The following TNPO3 variants were observed in gnomAD, a reference collection of about 807,000 sequenced individuals.
TNPO3 encodes transportin-3.
In TNPO3, 65 loss-of-function variants were observed where a neutral mutation model predicts 122.8. The ratio of observed to expected loss-of-function variants is 0.53; its 90% CI spans 0.43 to 0.65. TNPO3 has a LOEUF of 0.65. Ranked by LOEUF, TNPO3 falls within the 30% of genes least tolerant of loss-of-function variation. The pLI is 0.00. For missense variants in TNPO3, 850 were observed against 1,136.7 expected (o/e 0.75, Z 3.63); for synonymous variants, 372 against 411.2 (o/e 0.90, Z 1.15).
intron 18 of TNPO3, 31 bp downstream of exon 18, chr7:128,974,837 A>C (rs1432811520): frequency 6.4e-7 from 1 of 1,566,798 alleles, no homozygotes; most frequent in African/African-American, 1.4e-5. Flanking sequence ...AGGATGAGCA[A>C]TTAAGAAATG....
chr7:129,003,039 C>CAAAAAAAAAA (rs56226072), intron 5 of TNPO3, among the ~76,000 whole-genome samples: 47 of 53,236 alleles, frequency 8.8e-4, no homozygotes, highest in African/African-American at 1.7e-3. Flanking sequence ...GACTCCCTCT[C>CAAAAAAAAAA]AAAAAAAAAA....
intron 14 of TNPO3, among the ~76,000 whole-genome samples, chr7:128,980,660 G>A (rs1026532253): frequency 3.3e-5 from 5 of 152,026 alleles, no homozygotes; most frequent in African/African-American, 9.7e-5. Context: ...ATTGTACTCC[G>A]GCCTGGGCAA....
At chr7:128,983,481 G>A (rs910519826) in intron 13 of TNPO3, among the ~76,000 whole-genome samples, 2 of 152,100 alleles carry the variant, frequency 1.3e-5, no homozygotes, top group African/African-American at 4.8e-5. Context: ...GGGATTACTG[G>A]CATGAGCCAC....
intron 1 of TNPO3, among the ~76,000 whole-genome samples, chr7:129,020,153 C>T (rs1183751239): frequency 6.7e-6 from 1 of 148,878 alleles, no homozygotes; most frequent in Non-Finnish European, 1.5e-5. Flanking sequence ...CACCAAAAAA[C>T]CCCAACCTTA....
intron 8 of TNPO3, 56 bp from the exon 9 acceptor site, chr7:128,993,970 C>G (rs1801027535): frequency 6.8e-7 from 1 of 1,465,692 alleles, no homozygotes; most frequent in African/African-American, 1.4e-5. Context: ...TTTCAATGAC[C>G]TCTATAAAAT....
intron 21 of TNPO3, among the ~76,000 whole-genome samples, chr7:128,963,975 T>G (rs1797701055): frequency 6.6e-6 from 1 of 152,166 alleles, no homozygotes; most frequent in Non-Finnish European, 1.5e-5. Flanking sequence ...AAACTTACTG[T>G]GCAGAAAGTA....
intron 8 of TNPO3, among the ~76,000 whole-genome samples, chr7:128,994,656 T>A (rs1177345477): frequency 1.3e-5 from 2 of 151,552 alleles, no homozygotes; most frequent in Non-Finnish European, 2.9e-5. Flanking sequence ...ACACAGAAAA[T>A]ATACTTTTAT....
chr7:128,963,723 G>A lies in TNPO3; in HGVS notation c.2711+3557C>T, dbSNP rs143421230. Among the ~76,000 whole-genome samples the A allele has an allele frequency of 4.5e-4, 69 of 152,292 alleles. No homozygotes were observed. In the East Asian group the frequency reaches 0.013, roughly 28 times the overall value. On this transcript the variant is annotated intron_variant, in intron 21 of 22. Transcript: ENST00000265388. ...GATTTTAACATTAACAAAATTGCTGGAGACATTCCAGAAGATGAGAAAGTA... is the reference window on the plus strand; with the variant it reads ...GATTTTAACATTAACAAAATTGCTGAAGACATTCCAGAAGATGAGAAAGTA...
chr7:128,963,352 A>G (rs1448984140), intron 21 of TNPO3, among the ~76,000 whole-genome samples: 1 of 152,200 alleles, frequency 6.6e-6, no homozygotes, highest in East Asian at 1.9e-4. Context: ...TCCTGCCCTT[A>G]TACTGTAACC....
chr7:129,021,941 G>GT (rs956532802), intron 1 of TNPO3, among the ~76,000 whole-genome samples: 95 of 150,998 alleles, frequency 6.3e-4, no homozygotes, highest in South Asian at 6.3e-4. Context: ...GAAAAGGAGT[G>GT]TTTTTTTTTA....
chr7:129,012,046 C>A (rs1375596148), intron 4 of TNPO3, among the ~76,000 whole-genome samples: 1 of 137,156 alleles, frequency 7.3e-6, no homozygotes, highest in African/African-American at 2.8e-5. Context: ...CCCTCTGTTG[C>A]CCAGACTGGA....
chr7:129,022,607 T>C (rs936339964), intron 1 of TNPO3, among the ~76,000 whole-genome samples: 2 of 151,870 alleles, frequency 1.3e-5, no homozygotes, highest in African/African-American at 4.8e-5. Context: ...AAAATTAATA[T>C]ACTTAAAGAA....
At chr7:129,024,918 T>C (rs1291959814) in intron 1 of TNPO3, among the ~76,000 whole-genome samples, 1 of 151,086 alleles carries the variant, frequency 6.6e-6, no homozygotes, top group South Asian at 2.1e-4. Flanking sequence ...GAAGGATCCC[T>C]TGAGCCCAGG....
chr7:128,989,125 G>A (rs765830523), intron 11 of TNPO3, among the ~76,000 whole-genome samples: 79 of 151,902 alleles, frequency 5.2e-4, no homozygotes, highest in Non-Finnish European at 9.0e-4. Flanking sequence ...GAAATAGTAC[G>A]TTGAACTTAG....
intron 21 of TNPO3, among the ~76,000 whole-genome samples, chr7:128,964,565 G>A (rs1470704721): frequency 6.6e-6 from 1 of 152,024 alleles, no homozygotes; most frequent in Admixed American, 6.5e-5. Context: ...TCAATCTCCT[G>A]ACCTCGTGAT....
chr7:129,018,216 A>G, intron 1 of TNPO3, 59 bp from the exon 2 acceptor site: 1 of 1,514,244 alleles, frequency 6.6e-7, no homozygotes, highest in Middle Eastern at 1.7e-4. Flanking sequence ...TTTTAATGAC[A>G]TAACCTCAAT....
At position 128,992,008 on chromosome 7, in the gene TNPO3, C is replaced by A; in HGVS notation, c.1349G>T (p.Ser450Ile). 6.2e-7 allele frequency: 1 copy of A among 1,606,572 alleles called. No individual in the cohort carries two copies. The highest frequency in any genetic ancestry group is 8.5e-7 in the Non-Finnish European group (1 of 1,176,768). The change falls in exon 10 of 23, where the codon AGT (serine) becomes ATT (isoleucine). Residue 450 changes from serine (S) to isoleucine (I), a missense_variant. Transcript: ENST00000265388. ...VLFIMAAIAKSVDPENNPTLV... is the reference protein window; with the variant it reads ...VLFIMAAIAKIVDPENNPTLV... ...CTTATGAGACACTCACGGATCAACA[C>A]TCTTTGCTATAGCAGCCATGATAAA... is the stretch of plus-strand genomic sequence containing the variant.
At chr7:129,051,095 G>A (rs947360875) in intron 1 of TNPO3, among the ~76,000 whole-genome samples, 1 of 151,134 alleles carries the variant, frequency 6.6e-6, no homozygotes, top group Non-Finnish European at 1.5e-5. Context: ...GATATTTACA[G>A]TACTGAGATT....
intron 6 of TNPO3, 74 bp from the exon 7 acceptor site, chr7:129,000,641 C>A: frequency 7.0e-7 from 1 of 1,423,264 alleles, no homozygotes; most frequent in South Asian, 1.3e-5. Context: ...CACAGTTAAT[C>A]AAATAAATAA....
Sources: allele counts gnomAD v4.1 joint callset (sites outside exome capture counted in the v4.1 genomes callset), GRCh38; gene constraint gnomAD v4.1.1; transcripts MANE v1.5; gene names NCBI Gene and HGNC (gene_info 2026-07-23, HGNC 2026-07-21).